The following SYNPR variants were observed in gnomAD, a reference collection of about 807,000 sequenced individuals.
SYNPR encodes synaptoporin.
In SYNPR, 23 loss-of-function variants were observed where a neutral mutation model predicts 32.9. That is an observed-to-expected ratio of 0.70 (90% CI 0.50 to 0.99). SYNPR has a LOEUF of 0.99. SYNPR is among the 50% of genes least tolerant of loss of function. SYNPR has a pLI of 0.00. For synonymous variants in SYNPR, 146 were observed against 135.9 expected, an observed-to-expected ratio of 1.07 and a Z score of -0.52; for missense variants, 318 against 349.3, an observed-to-expected ratio of 0.91 and a Z score of 0.71.
At chr3:63,485,698 C>T (rs1214026148) in intron 3 of SYNPR, among the ~76,000 whole-genome samples, 1 of 152,088 alleles carries the variant, frequency 6.6e-6, no homozygotes, top group Non-Finnish European at 1.5e-5. Context: ...AGAGAAGGTG[C>T]TCACCTCTTG....
intron 3 of SYNPR, among the ~76,000 whole-genome samples, chr3:63,540,769 T>A (rs1157759652): frequency 6.6e-6 from 1 of 151,886 alleles, no homozygotes; most frequent in Non-Finnish European, 1.5e-5. Context: ...CAGACATGAT[T>A]TGCTAGAGGA....
rs1032364977 is a variant in SYNPR, at chr3:63,280,508, C to T, written c.84+1766C>T. On this transcript the variant is annotated intron_variant, in intron 2 of 5. Transcript: ENST00000478300. ...ACACTGTATGGAATGTCCTCACCTT[C>T]CAAGCCTAAAAAAAAAAAAAATGTT... 2.8e-5 allele frequency among the ~76,000 whole-genome samples: 4 copies of T among 141,000 alleles called. No individual in the cohort carries two copies. The Admixed American group carries it at 3.0e-4, about 10-fold the overall frequency. 92.5% of individuals were successfully genotyped at this position (141,000 alleles called of 152,430 possible).
chr3:63,380,852 G>T (rs2087959255), intron 2 of SYNPR, among the ~76,000 whole-genome samples: 1 of 152,052 alleles, frequency 6.6e-6, no homozygotes, highest in Admixed American at 6.5e-5. Context: ...AAATTCAACA[G>T]CCCTTCATGC....
intron 2 of SYNPR, among the ~76,000 whole-genome samples, chr3:63,387,196 T>C (rs1210452770): frequency 1.3e-5 from 2 of 152,254 alleles, no homozygotes; most frequent in African/African-American, 2.4e-5. Flanking sequence ...GTTATTTGCA[T>C]ATGACCATTA....
Position 63,615,700 on chromosome 3 carries a change from T to C in SYNPR, c.*219T>C. ...TATATTATTCATCATAGATGGCTAA[T>C]TGGAGAGTACCTTGTTATATATACA... On this transcript the variant is annotated 3_prime_UTR_variant, in exon 6 of 6. Transcript: ENST00000478300. 1.8e-6 allele frequency: 1 copy of C among 549,872 alleles called. No homozygotes were observed. The highest frequency in any genetic ancestry group is 2.7e-5 in the South Asian group (1 of 37,014). The allele number at this position is 549,872 out of a possible 1,614,324, so 34.1% of individuals were successfully genotyped here.
chr3:63,240,649 G>A (rs2086234422), intron 1 of SYNPR, among the ~76,000 whole-genome samples: 1 of 152,148 alleles, frequency 6.6e-6, no homozygotes. Context: ...CTCATAACAT[G>A]CACTGTGAAT....
the SYNPR span, among the ~76,000 whole-genome samples, chr3:63,211,505 G>A: frequency 8.5e-5 from 13 of 152,238 alleles, no homozygotes; most frequent in African/African-American, 3.1e-4. Context: ...TCTCTCTATA[G>A]GCTAATCCTG....
chr3:63,390,663 C>T (rs1417387780), intron 2 of SYNPR, among the ~76,000 whole-genome samples: 2 of 152,218 alleles, frequency 1.3e-5, no homozygotes, highest in African/African-American at 4.8e-5. Flanking sequence ...TTCCTTCACA[C>T]ATTCCCAGTA....
chr3:63,250,264 C>G (rs2086321115), intron 1 of SYNPR, among the ~76,000 whole-genome samples: 1 of 151,814 alleles, frequency 6.6e-6, no homozygotes, highest in South Asian at 2.1e-4. Flanking sequence ...ATACATGTAT[C>G]AAAATACCAG....
At chr3:63,381,277 A>G (rs1263015799) in intron 2 of SYNPR, among the ~76,000 whole-genome samples, 1 of 152,248 alleles carries the variant, frequency 6.6e-6, no homozygotes, top group Non-Finnish European at 1.5e-5. Context: ...ACAGAGAGCC[A>G]AATCATGAGT....
intron 2 of SYNPR, among the ~76,000 whole-genome samples, chr3:63,347,239 G>T (rs527537195): frequency 2.6e-5 from 4 of 152,136 alleles, no homozygotes; most frequent in Non-Finnish European, 5.9e-5. Context: ...ATTCAGACTT[G>T]CAGGTAATAG....
chr3:63,326,507 T>C (rs2087169914), intron 2 of SYNPR, among the ~76,000 whole-genome samples: 1 of 152,154 alleles, frequency 6.6e-6, no homozygotes, highest in African/African-American at 2.4e-5. Context: ...AGGATTATAC[T>C]GAGATTGCAA....
chr3:63,450,196 G>A (rs1294666604), intron 2 of SYNPR, among the ~76,000 whole-genome samples: 1 of 152,146 alleles, frequency 6.6e-6, no homozygotes. Context: ...ACGGAATGTA[G>A]AGTGATTATT....
chr3:63,393,891 CGTT>C (rs1337391641), intron 2 of SYNPR, among the ~76,000 whole-genome samples: 3 of 152,082 alleles, frequency 2.0e-5, no homozygotes, highest in African/African-American at 7.2e-5. Flanking sequence ...CTTGCTGCCT[CGTT>C]GTTGGAGAGA....
At chr3:63,485,472 C>T (rs531002985) in intron 3 of SYNPR, among the ~76,000 whole-genome samples, 18 of 152,144 alleles carry the variant, frequency 1.2e-4, no homozygotes, top group African/African-American at 3.6e-4. Flanking sequence ...AAAAAGCCAT[C>T]GAATATAGTT....
chr3:63,303,192 A>T (rs1001056822), intron 2 of SYNPR, among the ~76,000 whole-genome samples: 1 of 151,728 alleles, frequency 6.6e-6, no homozygotes, highest in African/African-American at 2.4e-5. Context: ...TAAAAAAAAA[A>T]AAATGAGAAT....
intron 4 of SYNPR, among the ~76,000 whole-genome samples, chr3:63,568,955 T>C (rs1011374722): frequency 6.6e-5 from 10 of 152,214 alleles, no homozygotes; most frequent in Non-Finnish European, 7.3e-5. Context: ...ATAGTATTAA[T>C]GGAGATTAAA....
chr3:63,412,997 G>A (rs1236862327), intron 2 of SYNPR, among the ~76,000 whole-genome samples: 1 of 152,060 alleles, frequency 6.6e-6, no homozygotes, highest in Admixed American at 6.6e-5. Flanking sequence ...ATGTTTATTG[G>A]TGCCTTCAGG....
chr3:63,601,010 C>T (rs1046446915), intron 4 of SYNPR, among the ~76,000 whole-genome samples: 5 of 152,204 alleles, frequency 3.3e-5, no homozygotes, highest in Admixed American at 6.5e-5. Flanking sequence ...CAGTGGCTCA[C>T]GCCTATAATC....
Sources: gnomAD v4.1 joint callset for allele counts (sites outside exome capture counted in the v4.1 genomes callset) on GRCh38, gnomAD v4.1.1 for gene constraint, MANE v1.5 for transcripts, NCBI Gene and HGNC (gene_info 2026-07-23, HGNC 2026-07-21) for gene names.